The following BMPER variants were observed in gnomAD, a reference collection of about 807,000 sequenced individuals.
The protein encoded by BMPER is BMP-binding endothelial regulator protein.
BMPER carries 45 observed loss-of-function variants against 87.3 expected under a neutral mutation model. The ratio of observed to expected loss-of-function variants is 0.52; its 90% CI spans 0.41 to 0.66. The LOEUF (loss-of-function observed/expected upper bound fraction) is 0.66. BMPER is among the 30% of genes least tolerant of loss of function. The pLI, the probability that BMPER is intolerant of heterozygous loss-of-function variation, is 0.00. For synonymous variants in BMPER, 326 were observed against 316.2 expected (o/e 1.03, Z -0.33); for missense variants, 784 against 867.5 (o/e 0.90, Z 1.21).
chr7:33,955,424 A>G (rs75392267), intron 3 of BMPER, among the ~76,000 whole-genome samples: 5,419 of 152,270 alleles, frequency 0.036, 215 homozygotes, highest in African/African-American at 0.096. Flanking sequence ...AATGAGTCTC[A>G]GCTCAGACTT....
chr7:33,953,687 A>G (rs1310760394), intron 3 of BMPER, among the ~76,000 whole-genome samples: 1 of 152,202 alleles, frequency 6.6e-6, no homozygotes, highest in Admixed American at 6.5e-5. Flanking sequence ...AAAATATACA[A>G]TTTGATGGCA....
At position 34,152,921 on chromosome 7, in the gene BMPER, A is replaced by G. The variant is rs116338723; in HGVS notation, c.1877-171A>G. 6.5e-3 allele frequency among the ~76,000 whole-genome samples: 996 copies of G among 152,224 alleles called. 15 individuals carry two copies. The highest frequency in any genetic ancestry group is 0.022 in the African/African-American group (932 of 41,514). ...TTTTATAGATGTAGCTGATTCCCAG[A>G]GTGTTTGAAGAATGTTGGGTGTTTG... is the stretch of plus-strand genomic sequence containing the variant. On this transcript the variant is annotated intron_variant, in intron 14 of 14. Coordinates refer to ENST00000649409, the MANE Select transcript of BMPER (RefSeq NM_001365308.1).
chr7:34,107,019 A>G (rs1403195059), intron 13 of BMPER, among the ~76,000 whole-genome samples: 1 of 145,322 alleles, frequency 6.9e-6, no homozygotes, highest in Admixed American at 6.7e-5. Context: ...AGACCACTCC[A>G]TTGATTTGCT....
intron 6 of BMPER, among the ~76,000 whole-genome samples, chr7:34,008,505 A>G (rs894999208): frequency 1.3e-5 from 2 of 151,890 alleles, no homozygotes; most frequent in African/African-American, 4.8e-5. Flanking sequence ...CATTAATAAT[A>G]TGTGTCTCAT....
chr7:33,917,562 A>G (rs554482997), intron 2 of BMPER, among the ~76,000 whole-genome samples: 220 of 152,132 alleles, frequency 1.4e-3, no homozygotes, highest in Non-Finnish European at 1.8e-3. Context: ...TTCACTGACC[A>G]CAGCATGTCC....
intron 1 of BMPER, 21 bp downstream of exon 1, chr7:33,905,767 G>GGGC: frequency 7.7e-6 from 7 of 914,080 alleles, no homozygotes; most frequent in South Asian, 1.3e-5. Flanking sequence ...GGGCGGGAGG[G>GGGC]ACCGGCCCTC....
chr7:34,093,495 GC>G (rs1410911233), intron 13 of BMPER, among the ~76,000 whole-genome samples: 2 of 152,122 alleles, frequency 1.3e-5, no homozygotes, highest in Non-Finnish European at 1.5e-5. Flanking sequence ...AATGCCTCAG[GC>G]AAAAAACACA....
chr7:34,095,986 C>G (rs1789520448), intron 13 of BMPER, among the ~76,000 whole-genome samples: 1 of 151,918 alleles, frequency 6.6e-6, no homozygotes, highest in African/African-American at 2.4e-5. Context: ...TCTCATGAGG[C>G]TGGATGAGGT....
At position 34,129,630 on chromosome 7, in the gene BMPER, G is replaced by GAA. The variant is rs1336596665; in HGVS notation, c.1746-13599_1746-13598insAA. 7.1e-3 allele frequency among the ~76,000 whole-genome samples: 401 copies of GAA among 56,312 alleles called. 5 individuals carry two copies. Among genetic ancestry groups the GAA allele is most frequent in the African/African-American group, 0.025 (364 of 14,498 alleles). 36.9% of individuals were successfully genotyped at this position (56,312 alleles called of 152,430 possible). A position where few individuals can be genotyped will look rare whatever the true frequency, so the allele number is the denominator to read the frequency against. On this transcript the variant is annotated intron_variant, in intron 13 of 14. Transcript: ENST00000649409. ...AGAGAAAGAGAGAGAGAGAGAAAGA[G>GAA]AGAAAGAAAGAAAGAAAGAAAGAAA...
At position 34,153,310 on chromosome 7, in the gene BMPER, A is replaced by T. The variant is rs1180141843; in HGVS notation, c.*37A>T. 3.7e-6 allele frequency: 6 copies of T among 1,610,940 alleles called. No individual in the cohort carries two copies. Among genetic ancestry groups the T allele is most frequent in the Non-Finnish European group, 5.1e-6 (6 of 1,178,050 alleles). ...ATCCTTAAGACTCTGAAATCTGGTG[A>T]CTTTGACACTGAAGCGGAAGAGCCA... On this transcript the variant is annotated 3_prime_UTR_variant, in exon 15 of 15. Transcript: ENST00000649409.
In BMPER at chr7:34,024,384, AATATATATATATATATATATATAT is replaced by A. The variant is rs200214350; in HGVS notation, c.577-21895_577-21872del. ...AAAAAAAAAAAAAAAAAAAAAAAAC[AATATATATATATATATATATATAT>A]ATATATATATATATATATATATATA... On this transcript the variant is annotated intron_variant, in intron 6 of 14. Transcript: ENST00000649409. 1.8e-3 allele frequency among the ~76,000 whole-genome samples: 42 copies of A among 23,432 alleles called. 4 individuals are homozygous for A. Among genetic ancestry groups the A allele is most frequent in the African/African-American group, 5.3e-3 (25 of 4,736 alleles). The allele number at this position is 23,432 out of a possible 152,430, so 15.4% of individuals were successfully genotyped here. A position where few individuals can be genotyped will look rare whatever the true frequency, so the allele number is the denominator to read the frequency against.
At chr7:34,084,072 G>A (rs1285557880) in intron 12 of BMPER, among the ~76,000 whole-genome samples, 1 of 151,344 alleles carries the variant, frequency 6.6e-6, no homozygotes, top group Non-Finnish European at 1.5e-5. Context: ...GGGAAGCCAA[G>A]GCGAGTGGAT....
At chr7:34,137,210 C>G (rs1466006277) in intron 13 of BMPER, among the ~76,000 whole-genome samples, 1 of 152,194 alleles carries the variant, frequency 6.6e-6, no homozygotes, top group Non-Finnish European at 1.5e-5. Context: ...AAAAATTCCT[C>G]TGGAGACAGG....
chr7:34,009,420 C>G (rs1490613567), intron 6 of BMPER, among the ~76,000 whole-genome samples: 1 of 151,872 alleles, frequency 6.6e-6, no homozygotes, highest in Non-Finnish European at 1.5e-5. Flanking sequence ...GGAGGACTTG[C>G]TTTTGGGGAA....
intron 13 of BMPER, among the ~76,000 whole-genome samples, chr7:34,139,152 C>T (rs1463854713): frequency 6.6e-6 from 1 of 152,136 alleles, no homozygotes. Context: ...TTATTTTTCT[C>T]TTAATAAATT....
At chr7:34,004,712 C>T (rs986882308) in intron 6 of BMPER, among the ~76,000 whole-genome samples, 5 of 152,106 alleles carry the variant, frequency 3.3e-5, no homozygotes, top group South Asian at 4.1e-4. Flanking sequence ...TAGAGATTTC[C>T]GTAAATGTCT....
chr7:34,107,793 G>A (rs566239495), intron 13 of BMPER, among the ~76,000 whole-genome samples: 21 of 152,078 alleles, frequency 1.4e-4, no homozygotes, highest in Non-Finnish European at 2.6e-4. Flanking sequence ...TTGGTGTGTT[G>A]AGGTCTGGTG....
chr7:34,077,994 G>A (rs957016182), intron 11 of BMPER, among the ~76,000 whole-genome samples: 4 of 151,488 alleles, frequency 2.6e-5, no homozygotes, highest in Admixed American at 6.6e-5. Flanking sequence ...TTTTGAAAAC[G>A]GATAAAATAT....
intron 6 of BMPER, among the ~76,000 whole-genome samples, chr7:34,010,681 T>A (rs1444108551): frequency 6.6e-6 from 1 of 151,932 alleles, no homozygotes; most frequent in Non-Finnish European, 1.5e-5. Context: ...CTTTCACCTC[T>A]AGGGTTATAT....
Sources: allele counts gnomAD v4.1 joint callset (sites outside exome capture counted in the v4.1 genomes callset), GRCh38; gene constraint gnomAD v4.1.1; transcripts MANE v1.5; gene names NCBI Gene and HGNC (gene_info 2026-07-23, HGNC 2026-07-21).